ARHGAP6: variants seen among roughly 807,000 people sequenced by gnomAD.
ARHGAP6 encodes Rho GTPase activating protein 6, also known as rho GTPase-activating protein 6.
A neutral mutation model predicts 55.7 loss-of-function variants in ARHGAP6; 16 were observed. The ratio of observed to expected loss-of-function variants is 0.29; its 90% CI spans 0.19 to 0.44. ARHGAP6 has a LOEUF of 0.44. ARHGAP6 is among the 20% of genes least tolerant of loss of function. The probability of loss-of-function intolerance (pLI) is 1.00; values close to 1 mark genes in which losing one functional copy is unlikely to be tolerated. For missense variants in ARHGAP6, 698 were observed against 808.9 expected (o/e 0.86, Z 1.66); for synonymous variants, 382 against 360.9 (o/e 1.06, Z -0.66).
At chrX:11,450,238 G>C (rs1178974254) in intron 1 of ARHGAP6, among the ~76,000 whole-genome samples, 1 of 106,967 alleles carries the variant, frequency 9.3e-6, no homozygotes. Context: ...GTGTGTGTGT[G>C]TGTGTTCTTT....
intron 1 of ARHGAP6, among the ~76,000 whole-genome samples, chrX:11,281,351 G>T (rs1208482910): frequency 9.0e-6 from 1 of 110,947 alleles, no homozygotes; most frequent in Non-Finnish European, 1.9e-5. Context: ...TCACTTTGCA[G>T]AAATTCATTA....
Position 11,174,506 on chromosome X carries a change from A to ATTCT in ARHGAP6, c.1629+3590_1629+3593dup, listed in dbSNP as rs201610556. Among the ~76,000 whole-genome samples the ATTCT allele has an allele frequency of 2.8e-3, 277 of 99,785 alleles. 1 individual carries two copies. Among genetic ancestry groups the ATTCT allele is most frequent in the Admixed American group, 0.012 (114 of 9,229 alleles). The allele number at this position is 99,785 out of a possible 115,157, so 86.7% of individuals were successfully genotyped here. On this transcript the variant is annotated intron_variant, in intron 8 of 12. Transcript: ENST00000337414. ...CATGCATGATTCAAATCCCAAGGCC[A>ATTCT]TTCTTTCTTTCTTTCCTTCCTTCCT...
intron 1 of ARHGAP6, among the ~76,000 whole-genome samples, chrX:11,319,800 T>C (rs1053887412): frequency 8.9e-6 from 1 of 112,409 alleles, no homozygotes; most frequent in Non-Finnish European, 1.9e-5. Flanking sequence ...GCTTCTAACT[T>C]GATGTATTTA....
intron 3 of ARHGAP6, among the ~76,000 whole-genome samples, chrX:11,189,351 T>G (rs946163252): frequency 4.5e-5 from 5 of 110,891 alleles, no homozygotes; most frequent in African/African-American, 1.6e-4. Flanking sequence ...GTGTTCAGAG[T>G]GTGGGTTGGG....
At chrX:11,506,126 C>A in intron 1 of ARHGAP6, among the ~76,000 whole-genome samples, 1 of 111,327 alleles carries the variant, frequency 9.0e-6, no homozygotes, top group Admixed American at 9.6e-5. Flanking sequence ...CTGAAGTCTC[C>A]CACGATTCTC....
chrX:11,383,348 G>C (rs1460261643), intron 1 of ARHGAP6, among the ~76,000 whole-genome samples: 1 of 111,383 alleles, frequency 9.0e-6, no homozygotes, highest in Non-Finnish European at 1.9e-5. Context: ...GTAAGAGTTT[G>C]CCTAATATCT....
chrX:11,271,595 G>A (rs1014878450), intron 1 of ARHGAP6, among the ~76,000 whole-genome samples: 2 of 111,517 alleles, frequency 1.8e-5, no homozygotes, highest in African/African-American at 3.3e-5. Flanking sequence ...ATATATAGAC[G>A]TTGCTTCTAA....
At chrX:11,221,787 G>T (rs1341950822) in intron 2 of ARHGAP6, among the ~76,000 whole-genome samples, 1 of 111,075 alleles carries the variant, frequency 9.0e-6, no homozygotes, top group African/African-American at 3.3e-5. Context: ...ACAGTGGTTT[G>T]GTATACAGAT....
intron 1 of ARHGAP6, among the ~76,000 whole-genome samples, chrX:11,314,414 T>G (rs997358384): frequency 1.8e-5 from 2 of 112,163 alleles, no homozygotes; most frequent in African/African-American, 6.5e-5. Flanking sequence ...AAGAAACTCT[T>G]ATGCAAAATA....
intron 2 of ARHGAP6, among the ~76,000 whole-genome samples, chrX:11,205,102 G>A (rs1231861779): frequency 1.8e-5 from 2 of 111,543 alleles, no homozygotes; most frequent in African/African-American, 6.5e-5. Context: ...TTCTCTTATT[G>A]ACACCCAGTG....
intron 1 of ARHGAP6, among the ~76,000 whole-genome samples, chrX:11,614,750 TATCGCCACCAA>T (rs2052143474): frequency 9.0e-6 from 1 of 111,663 alleles, no homozygotes; most frequent in South Asian, 3.8e-4. Flanking sequence ...AACTAGGCAA[TATCGCCACCAA>T]GGGGGTAAAA....
chrX:11,412,075 G>A (rs2049694849), intron 1 of ARHGAP6, among the ~76,000 whole-genome samples: 1 of 111,366 alleles, frequency 9.0e-6, no homozygotes, highest in Admixed American at 9.6e-5. Flanking sequence ...TCTCCTTTAA[G>A]AAAATCCTAT....
At chrX:11,265,275 T>C in intron 1 of ARHGAP6, among the ~76,000 whole-genome samples, 1 of 112,335 alleles carries the variant, frequency 8.9e-6, no homozygotes, top group Non-Finnish European at 1.9e-5. Context: ...CCTTATTTAA[T>C]ATCCAAACTG....
At chrX:11,148,142 C>T (rs1009153915) in intron 10 of ARHGAP6, among the ~76,000 whole-genome samples, 2 of 111,662 alleles carry the variant, frequency 1.8e-5, no homozygotes, top group Non-Finnish European at 3.8e-5. Flanking sequence ...TGGATATGTC[C>T]GAAAAATGAG....
rs373046440 is a variant in ARHGAP6 at position 11,391,315 on chromosome X, G to C, written c.589-136608C>G. On this transcript the variant is annotated intron_variant, in intron 1 of 12. Transcript: ENST00000337414. ...AACATCACACACCGGGGCCTGTTGT[G>C]GGGTGGGCAGAGGAGGGAGGGATAG... Among the ~76,000 whole-genome samples, 12 of 111,008 alleles carry C rather than the reference G, an allele frequency of 1.1e-4. No homozygotes were observed. The East Asian group carries it at 2.0e-3, about 18-fold the overall frequency.
chrX:11,483,671 T>G (rs1423491881), intron 1 of ARHGAP6, among the ~76,000 whole-genome samples: 1 of 110,885 alleles, frequency 9.0e-6, no homozygotes, highest in Non-Finnish European at 1.9e-5. Context: ...TCTTTTCACT[T>G]AAGCCACTGC....
intron 1 of ARHGAP6, among the ~76,000 whole-genome samples, chrX:11,425,137 G>A (rs1034389900): frequency 1.8e-5 from 2 of 111,619 alleles, no homozygotes; most frequent in Non-Finnish European, 3.8e-5. Context: ...AAGCACTGAA[G>A]GAAGAGCATT....
intron 1 of ARHGAP6, among the ~76,000 whole-genome samples, chrX:11,339,583 TTAA>T (rs1233268060): frequency 1.8e-5 from 2 of 111,216 alleles, no homozygotes; most frequent in Non-Finnish European, 3.8e-5. Context: ...GAATAAATTG[TTAA>T]TAATACAGAT....
At chrX:11,436,296 T>C (rs985798955) in intron 1 of ARHGAP6, among the ~76,000 whole-genome samples, 3 of 112,691 alleles carry the variant, frequency 2.7e-5, no homozygotes, top group African/African-American at 9.7e-5. Context: ...TCAGTTTGCA[T>C]TTCTGTAAGT....
Sources: allele counts gnomAD v4.1 joint callset (sites outside exome capture counted in the v4.1 genomes callset), GRCh38; gene constraint gnomAD v4.1.1; transcripts MANE v1.5; gene names NCBI Gene and HGNC (gene_info 2026-07-23, HGNC 2026-07-21).